The following CPLANE1 variants were observed in gnomAD, a reference collection of about 807,000 sequenced individuals.
The protein encoded by CPLANE1 is ciliogenesis and planar polarity effector 1.
Under a neutral mutation model 362.5 loss-of-function variants are expected in CPLANE1, and 263 were observed. That is an observed-to-expected ratio of 0.73 (90% CI 0.66 to 0.80). The LOEUF (loss-of-function observed/expected upper bound fraction) is 0.80, where lower values mean the gene tolerates loss of function less well. CPLANE1 is among the 30% of genes least tolerant of loss of function. The probability of loss-of-function intolerance (pLI) is 0.00; values close to 1 mark genes in which losing one functional copy is unlikely to be tolerated. For synonymous variants in CPLANE1, 1,212 were observed against 1,302.6 expected, an observed-to-expected ratio of 0.93 and a Z score of 1.50; for missense variants, 3,461 against 3,793.4, an observed-to-expected ratio of 0.91 and a Z score of 2.30.
intron 46 of CPLANE1, among the ~76,000 whole-genome samples, chr5:37,130,958 T>A (rs1171599654): frequency 6.6e-6 from 1 of 152,208 alleles, no homozygotes; most frequent in Non-Finnish European, 1.5e-5. Context: ...CTGAAACAGT[T>A]ATATATCCTT....
At chr5:37,131,082 C>T (rs186049508) in intron 46 of CPLANE1, among the ~76,000 whole-genome samples, 1 of 152,258 alleles carries the variant, frequency 6.6e-6, no homozygotes, top group African/African-American at 2.4e-5. Context: ...AGTACTTTGC[C>T]AACGTATTTT....
chr5:37,205,464 C>A lies in CPLANE1; in HGVS notation c.3150-10G>T. ...ACTCTTTTTCTTGGACCTGAAATGACATCAAATTAAGGGAAATGAATCCAA... is the reference window on the plus strand; with the variant it reads ...ACTCTTTTTCTTGGACCTGAAATGAAATCAAATTAAGGGAAATGAATCCAA... On this transcript the variant is annotated splice_polypyrimidine_tract_variant and intron_variant, in intron 17 of 52. Transcript: ENST00000651892. 8.2e-6 allele frequency: 12 copies of A among 1,467,760 alleles called. No homozygotes were observed. Among genetic ancestry groups the A allele is most frequent in the East Asian group, 2.6e-5 (1 of 38,228 alleles). The allele number at this position is 1,467,760 out of a possible 1,614,324, so 90.9% of individuals were successfully genotyped here.
At position 37,243,884 on chromosome 5, in the gene CPLANE1, C is replaced by A. The variant is rs1233052161; in HGVS notation, c.570+491G>T. On this transcript the variant is annotated intron_variant, in intron 5 of 52. Transcript: ENST00000651892. ...TTTTTTTTTGAGACAGAGTTTCACTCTCGTTGCCCAGGCTGGAGTGTAATG... is the reference window on the plus strand; with the variant it reads ...TTTTTTTTTGAGACAGAGTTTCACTATCGTTGCCCAGGCTGGAGTGTAATG... Among the ~76,000 whole-genome samples the A allele has an allele frequency of 2.0e-5, 3 of 147,836 alleles. No individual in the cohort carries two copies. In the East Asian group the frequency reaches 5.9e-4, roughly 29 times the overall value.
intron 20 of CPLANE1, 28 bp downstream of exon 20, chr5:37,198,674 C>T (rs185544691): frequency 1.3e-6 from 2 of 1,590,588 alleles, no homozygotes; most frequent in Non-Finnish European, 1.7e-6. Flanking sequence ...GTTAACACAG[C>T]ATGTAAATGA....
chr5:37,099,085 C>A, the CPLANE1 span, among the ~76,000 whole-genome samples: 2 of 151,992 alleles, frequency 1.3e-5, no homozygotes, highest in Non-Finnish European at 2.9e-5. Context: ...TAAAAAAATA[C>A]AAAGGATCAA....
intron 46 of CPLANE1, among the ~76,000 whole-genome samples, chr5:37,132,375 T>C (rs1480768611): frequency 2.2e-5 from 3 of 137,752 alleles, no homozygotes; most frequent in East Asian, 4.4e-4. Context: ...GACAGAGTCT[T>C]GCTCTGTCGC....
rs1466959461 is a variant in CPLANE1, at chr5:37,245,731, C to A, written c.196G>T (p.Val66Phe). The A allele has an allele frequency of 5.2e-6, 8 of 1,530,152 alleles. No individual in the cohort carries two copies. In the South Asian group the frequency reaches 1.0e-4, roughly 20 times the overall value. 94.8% of individuals were successfully genotyped at this position (1,530,152 alleles called of 1,614,324 possible). The change falls in exon 3 of 53, where the codon GTC becomes TTC. Residue 66 changes from valine to phenylalanine, a missense_variant. Physicochemically the swap from Val to Phe is conservative, Grantham distance 50. Coordinates refer to ENST00000651892, the MANE Select transcript of CPLANE1 (RefSeq NM_001384732.1). ...TAACCATTACTGGATGTTGTTAGGA[C>A]AATAACATCCTTCAAGAAAGGCTGC... The part of the protein sequence containing the change: ...SLQPFLKDVI[V>F]LTTSSNDAWL...
In CPLANE1 at chr5:37,130,040, A is replaced by G. The variant is rs75360494; in HGVS notation, c.8793-4631T>C. Among the ~76,000 whole-genome samples the G allele has an allele frequency of 7.9e-5, 12 of 152,320 alleles. No homozygotes were observed. The East Asian group carries it at 2.3e-3, about 29-fold the overall frequency. On this transcript the variant is annotated intron_variant, in intron 46 of 52. Transcript: ENST00000651892. Reference sequence around the variant, plus strand: ...TGGATAAAGAAATTGTGGTACACATATACACCATGTCATACTATTCAGCCA... The same window carrying G: ...TGGATAAAGAAATTGTGGTACACATGTACACCATGTCATACTATTCAGCCA...
chr5:37,227,719 G>A lies in CPLANE1; in HGVS notation c.1220C>T (p.Ser407Leu). The A allele has an allele frequency of 6.4e-7, 1 of 1,551,448 alleles. No homozygotes were observed. The change falls in exon 10 of 53, where the codon TCA (serine) becomes TTA (leucine). Residue 407 changes from serine to leucine, a missense_variant. Transcript: ENST00000651892. Reference sequence around the variant, plus strand: ...AGATATAACGAGGTAGGGTAACCGTGAGTGTGCTTTTATAGAAAATCTCTG... The same window carrying A: ...AGATATAACGAGGTAGGGTAACCGTAAGTGTGCTTTTATAGAAAATCTCTG... ...MRQRFSIKAH[S>L]RLPYLVISDG...
At chr5:37,246,097 T>C (rs182400333) in intron 2 of CPLANE1, 1 of 253,794 alleles carries the variant, frequency 3.9e-6, no homozygotes, top group African/African-American at 2.2e-5. Flanking sequence ...AAGTTTAAAA[T>C]TATAGGAGTG....
At chr5:37,213,804 A>T in intron 15 of CPLANE1, 72 bp from the exon 16 acceptor site, 1 of 1,234,230 alleles carries the variant, frequency 8.1e-7, no homozygotes, top group Non-Finnish European at 1.1e-6. Flanking sequence ...AGTTCCCAAC[A>T]TTATACAAAA....
chr5:37,123,932 C>T (rs183598692), intron 47 of CPLANE1, among the ~76,000 whole-genome samples: 8 of 102,954 alleles, frequency 7.8e-5, no homozygotes, highest in African/African-American at 2.8e-4. Flanking sequence ...GGGGAACATA[C>T]ACACACACAC....
At chr5:37,095,869 CAGG>C in the CPLANE1 span, among the ~76,000 whole-genome samples, 1 of 152,064 alleles carries the variant, frequency 6.6e-6, no homozygotes, top group South Asian at 2.1e-4. Context: ...ATACCTAACC[CAGG>C]AGGTGAAAGA....
In CPLANE1 at chr5:37,169,563, T is replaced by A; in HGVS notation, c.6463-2A>T. On this transcript the variant is annotated splice_acceptor_variant, in intron 33 of 52. Coordinates refer to ENST00000651892, the MANE Select transcript of CPLANE1 (RefSeq NM_001384732.1). LOFTEE classifies it high-confidence loss of function. ...AGGAATACTCCCATGTGGAACATTCTGGAAGAGAAAAAAGATATTATGTAA... is the reference window on the plus strand; with the variant it reads ...AGGAATACTCCCATGTGGAACATTCAGGAAGAGAAAAAAGATATTATGTAA... The A allele has an allele frequency of 6.3e-7, 1 of 1,575,102 alleles. No individual in the cohort carries two copies. The highest frequency in any genetic ancestry group is 8.6e-7 in the Non-Finnish European group (1 of 1,163,800).
chr5:37,193,836 G>A (rs1024240312), intron 21 of CPLANE1, among the ~76,000 whole-genome samples: 7 of 151,726 alleles, frequency 4.6e-5, no homozygotes, highest in African/African-American at 9.7e-5. Context: ...AATCCTGGGC[G>A]CAAGGAATCC....
intron 41 of CPLANE1, among the ~76,000 whole-genome samples, chr5:37,154,745 C>G (rs1774573064): frequency 6.6e-6 from 1 of 152,154 alleles, no homozygotes; most frequent in South Asian, 2.1e-4. Context: ...TCTACTCACT[C>G]TTCCCACTTT....
chr5:37,197,944 T>C (rs1043345358), intron 20 of CPLANE1, among the ~76,000 whole-genome samples: 2 of 152,200 alleles, frequency 1.3e-5, no homozygotes, highest in African/African-American at 4.8e-5. Flanking sequence ...GTTTCAAAAA[T>C]ACTTTTAGAT....
chr5:37,131,691 C>T (rs1765860911), intron 46 of CPLANE1, among the ~76,000 whole-genome samples: 1 of 152,104 alleles, frequency 6.6e-6, no homozygotes, highest in Non-Finnish European at 1.5e-5. Context: ...CTACCACACC[C>T]AGCTAATTTT....
intron 24 of CPLANE1, among the ~76,000 whole-genome samples, 199 bp downstream of exon 24, chr5:37,186,087 G>A (rs144996994): frequency 3.0e-3 from 450 of 152,288 alleles, no homozygotes; most frequent in Non-Finnish European, 5.3e-3. Context: ...GCCATGAGCC[G>A]AAGTCAGCTT....
Sources: gnomAD v4.1 joint callset for allele counts (sites outside exome capture counted in the v4.1 genomes callset) on GRCh38, gnomAD v4.1.1 for gene constraint, MANE v1.5 for transcripts, NCBI Gene and HGNC (gene_info 2026-07-23, HGNC 2026-07-21) for gene names.